The following OTUD7A variants were observed in gnomAD, a reference collection of about 807,000 sequenced individuals.
OTUD7A encodes OTU deubiquitinase 7A, also known as OTU domain-containing protein 7A.
A neutral mutation model predicts 65.7 loss-of-function variants in OTUD7A; 12 were observed. The ratio of observed to expected loss-of-function variants is 0.18; its 90% CI spans 0.12 to 0.30. OTUD7A has a LOEUF of 0.30. Among genes scored for constraint, OTUD7A ranks in the 10% least tolerant of loss-of-function variants. OTUD7A has a pLI of 1.00. For missense variants in OTUD7A, 1,148 were observed against 1,304.8 expected (o/e 0.88, Z 1.85); for synonymous variants, 641 against 586.3 (o/e 1.09, Z -1.35).
chr15:31,597,474 CTT>C (rs565236740), intron 3 of OTUD7A, among the ~76,000 whole-genome samples: 14 of 144,978 alleles, frequency 9.7e-5, no homozygotes, highest in African/African-American at 1.5e-4. Flanking sequence ...CAAGGCCCTC[CTT>C]TTTTTTTTTT....
At chr15:31,829,409 G>C (rs1896876944) in intron 1 of OTUD7A, among the ~76,000 whole-genome samples, 1 of 152,222 alleles carries the variant, frequency 6.6e-6, no homozygotes, top group East Asian at 1.9e-4. Context: ...ATGAAAGAAG[G>C]CTTCTGCCAT....
chr15:31,867,175 T>A (rs1897899340), intron 1 of OTUD7A, among the ~76,000 whole-genome samples: 1 of 152,180 alleles, frequency 6.6e-6, no homozygotes, highest in Admixed American at 6.5e-5. Context: ...CCAGGGAACA[T>A]GTGGTTGAAT....
chr15:31,513,831 T>G (rs1209292763), intron 8 of OTUD7A, among the ~76,000 whole-genome samples: 2 of 152,190 alleles, frequency 1.3e-5, no homozygotes, highest in African/African-American at 4.8e-5. Context: ...GGAGAGGAAC[T>G]TGAACCTATG....
Position 31,487,097 on chromosome 15 carries a change from G to C in OTUD7A, c.1371+97C>G. The C allele has an allele frequency of 8.1e-7, 1 of 1,231,366 alleles. No individual in the cohort carries two copies. The highest frequency in any genetic ancestry group is 1.2e-6 in the Non-Finnish European group (1 of 867,700). 76.3% of individuals were successfully genotyped at this position (1,231,366 alleles called of 1,614,324 possible). A position where few individuals can be genotyped will look rare whatever the true frequency, so the allele number is the denominator to read the frequency against. On this transcript the variant is annotated intron_variant, in intron 12 of 12. Transcript: ENST00000307050. The surrounding 1 kb of genome is among the most constrained non-coding windows in gnomAD (Gnocchi z 6.0). ...TGGGCGGCCGGGCAGGGGCAGGCAAGAGTGTGGGAGCATTTGGGAGGATGC... is the reference window on the plus strand; with the variant it reads ...TGGGCGGCCGGGCAGGGGCAGGCAACAGTGTGGGAGCATTTGGGAGGATGC...
intron 1 of OTUD7A, among the ~76,000 whole-genome samples, chr15:31,841,936 T>C (rs1209678297): frequency 6.6e-6 from 1 of 152,204 alleles, no homozygotes; most frequent in Non-Finnish European, 1.5e-5. Context: ...TGCTTTAGAA[T>C]GTCTCTCTTC....
chr15:31,588,623 C>A (rs1421460450), intron 3 of OTUD7A, among the ~76,000 whole-genome samples: 2 of 152,208 alleles, frequency 1.3e-5, no homozygotes, highest in African/African-American at 4.8e-5. Context: ...CTCCTGCCTC[C>A]CATCAGGAGC....
At chr15:31,535,449 G>A (rs1887763961) in intron 5 of OTUD7A, among the ~76,000 whole-genome samples, 1 of 152,140 alleles carries the variant, frequency 6.6e-6, no homozygotes, top group Non-Finnish European at 1.5e-5. Flanking sequence ...TACCCAGTCT[G>A]AGGTAGTATC....
rs150364093 is a variant in OTUD7A, at chr15:31,561,214, A to G, written c.332-2027T>C. On this transcript the variant is annotated intron_variant, in intron 4 of 12. Transcript: ENST00000307050. ...ATTAGAAAGAAGAGGGAGGGAGCAC[A>G]TGGGCCCAGCTTGGGTGGTGGGGGA... Among the ~76,000 whole-genome samples, 26 of 152,078 alleles carry G rather than the reference A, an allele frequency of 1.7e-4. No individual in the cohort carries two copies. The East Asian group carries it at 4.4e-3, about 26-fold the overall frequency.
chr15:31,802,135 GTGTGTGTA>G (rs1896146632), intron 1 of OTUD7A, among the ~76,000 whole-genome samples: 1 of 123,904 alleles, frequency 8.1e-6, no homozygotes, highest in Non-Finnish European at 1.7e-5. Flanking sequence ...GTGTGTGTGT[GTGTGTGTA>G]TATATATATA....
intron 1 of OTUD7A, among the ~76,000 whole-genome samples, chr15:31,830,794 T>C (rs1896911658): frequency 6.6e-6 from 1 of 152,226 alleles, no homozygotes; most frequent in Non-Finnish European, 1.5e-5. Flanking sequence ...TTCTTAGTCA[T>C]CACCATCACT....
At chr15:31,580,422 T>C (rs1392312074) in intron 3 of OTUD7A, among the ~76,000 whole-genome samples, 4 of 152,218 alleles carry the variant, frequency 2.6e-5, no homozygotes, top group Non-Finnish European at 5.9e-5. Flanking sequence ...AGTATTTGCA[T>C]TTAAGAAAAA....
chr15:31,826,307 T>G (rs1355699335), intron 1 of OTUD7A, among the ~76,000 whole-genome samples: 1 of 152,248 alleles, frequency 6.6e-6, no homozygotes, highest in East Asian at 1.9e-4. Context: ...ATTAATAATT[T>G]CTGTGTACCC....
At chr15:31,554,000 TCTC>T (rs763926044) in intron 5 of OTUD7A, among the ~76,000 whole-genome samples, 8 of 152,106 alleles carry the variant, frequency 5.3e-5, no homozygotes, top group Non-Finnish European at 1.0e-4. Context: ...CGGCTCCCAT[TCTC>T]CTGCCCTCCT....
At chr15:31,770,758 AAAT>A (rs2140913061) in intron 1 of OTUD7A, among the ~76,000 whole-genome samples, 1 of 152,372 alleles carries the variant, frequency 6.6e-6, no homozygotes, top group South Asian at 2.1e-4. Context: ...TATCATTAGA[AAAT>A]AATGATATTA....
In OTUD7A at chr15:31,646,466, G is replaced by GT. The variant is rs11332562; in HGVS notation, c.151+8629dup. 2.5e-3 allele frequency among the ~76,000 whole-genome samples: 325 copies of GT among 129,954 alleles called. 1 individual carries two copies. The highest frequency in any genetic ancestry group is 8.4e-3 in the East Asian group (38 of 4,526). The allele number at this position is 129,954 out of a possible 152,430, so 85.3% of individuals were successfully genotyped here. ...CCTTCTTTCTTTTTCTTTCTTTTTTGTTTTTTTTTTTTGAGACAGAGTCTC... is the reference window on the plus strand; with the variant it reads ...CCTTCTTTCTTTTTCTTTCTTTTTTGTTTTTTTTTTTTTGAGACAGAGTCTC... On this transcript the variant is annotated intron_variant, in intron 3 of 12. Coordinates refer to ENST00000307050, the MANE Select transcript of OTUD7A (RefSeq NM_001382637.1).
chr15:31,597,677 G>A (rs966125368), intron 3 of OTUD7A, among the ~76,000 whole-genome samples: 18 of 152,220 alleles, frequency 1.2e-4, no homozygotes, highest in Non-Finnish European at 2.2e-4. Flanking sequence ...TCTTCTGGAG[G>A]ACTGTCCTCC....
At chr15:31,660,337 T>C (rs549200826) in intron 1 of OTUD7A, among the ~76,000 whole-genome samples, 43 of 152,342 alleles carry the variant, frequency 2.8e-4, no homozygotes, top group Admixed American at 1.6e-3. Flanking sequence ...CCAGACGCCA[T>C]TGTGACCTTG....
intron 1 of OTUD7A, among the ~76,000 whole-genome samples, chr15:31,829,480 A>T (rs1896879107): frequency 6.6e-6 from 1 of 152,156 alleles, no homozygotes; most frequent in South Asian, 2.1e-4. Flanking sequence ...GGAAGTGGAG[A>T]CCATCTTGGC....
Position 31,484,179 on chromosome 15 carries a change from C to A in OTUD7A, c.1917G>T (p.Glu639Asp). 6.2e-7 allele frequency: 1 copy of A among 1,610,464 alleles called. No homozygotes were observed. The highest frequency in any genetic ancestry group is 1.1e-5 in the South Asian group (1 of 90,896). Reference sequence around the variant, plus strand: ...GCAGGCCGGCGAAGATGAACTTGCGCTCCCCCTGCATGGCGGCGCGCAGGA... The same window carrying A: ...GCAGGCCGGCGAAGATGAACTTGCGATCCCCCTGCATGGCGGCGCGCAGGA... ...LNILRAAMQGERKFIFAGLLL... is the reference protein window; with the variant it reads ...LNILRAAMQGDRKFIFAGLLL... Residue 639 changes from glutamate to aspartate, a missense_variant, in exon 13 of 13, where the codon GAG becomes GAT. Around this residue, in one of 6 missense-constraint regions of OTUD7A, gnomAD observed 842 missense variants for 769.5 expected, o/e 1.09. Transcript: ENST00000307050. This position sits in a 1 kb window ranked among gnomAD's most constrained non-coding sequence, Gnocchi z 4.5.
Sources: allele counts gnomAD v4.1 joint callset (sites outside exome capture counted in the v4.1 genomes callset), GRCh38; gene constraint gnomAD v4.1.1; regional missense constraint gnomAD v4.1.1; non-coding constraint Gnocchi (gnomAD v3.1); transcripts MANE v1.5; gene names NCBI Gene and HGNC (gene_info 2026-07-23, HGNC 2026-07-21).